The following RGS17 variants were observed in gnomAD, a reference collection of about 807,000 sequenced individuals.
The protein encoded by RGS17 is regulator of G protein signaling 17, also known as regulator of G-protein signaling 17.
A neutral mutation model predicts 25.5 loss-of-function variants in RGS17; 12 were observed. The observed-to-expected ratio is 0.47, with a 90% CI of 0.30 to 0.76. RGS17 has a LOEUF of 0.76. Ranked by LOEUF, RGS17 falls within the 30% of genes least tolerant of loss-of-function variation. The pLI, the probability that RGS17 is intolerant of heterozygous loss-of-function variation, is 0.07. For missense variants in RGS17, 196 were observed against 242.2 expected (o/e 0.81, Z 1.27); for synonymous variants, 71 against 76.9 (o/e 0.92, Z 0.40).
chr6:153,012,491 G>A (rs1360096065), intron 4 of RGS17, among the ~76,000 whole-genome samples: 3 of 152,158 alleles, frequency 2.0e-5, no homozygotes, highest in Non-Finnish European at 4.4e-5. Flanking sequence ...ATTAAATTCT[G>A]CAATGATTTA....
intron 1 of RGS17, among the ~76,000 whole-genome samples, chr6:153,085,915 G>A (rs1443318309): frequency 7.7e-6 from 1 of 129,716 alleles, no homozygotes; most frequent in East Asian, 2.8e-4. Flanking sequence ...CAACTGTAGA[G>A]GGGGCAGGCT....
At chr6:153,049,556 C>T in intron 1 of RGS17, among the ~76,000 whole-genome samples, 1 of 151,974 alleles carries the variant, frequency 6.6e-6, no homozygotes, top group East Asian at 1.9e-4. Context: ...TCGAGACCAT[C>T]CTGGCTAACA....
At chr6:153,128,986 G>C (rs1238496707) in intron 1 of RGS17, among the ~76,000 whole-genome samples, 1 of 152,180 alleles carries the variant, frequency 6.6e-6, no homozygotes, top group East Asian at 1.9e-4. Flanking sequence ...GACACCTTAT[G>C]TTATTTGTTC....
At chr6:153,034,465 C>G (rs1006224023) in intron 2 of RGS17, among the ~76,000 whole-genome samples, 1 of 152,222 alleles carries the variant, frequency 6.6e-6, no homozygotes, top group East Asian at 1.9e-4. Flanking sequence ...AGATCCTACA[C>G]AGTCTGGTAA....
rs1449443401 is a variant in RGS17, at chr6:153,130,892, G to T, written c.-26+232C>A. Among the ~76,000 whole-genome samples the T allele has an allele frequency of 6.6e-6, 1 of 151,890 alleles. No individual in the cohort carries two copies. The highest frequency in any genetic ancestry group is 2.4e-5 in the African/African-American group (1 of 41,410). On this transcript the variant is annotated intron_variant, in intron 1 of 4. Transcript: ENST00000206262. The surrounding 1 kb of genome is among the most constrained non-coding windows in gnomAD (Gnocchi z 6.4). ...GGACCGCGTCCAGGCAGCGACGCGG[G>T]ATTCAACTTCCCGGACCCGCGGCGC...
intron 4 of RGS17, among the ~76,000 whole-genome samples, chr6:153,015,189 A>G (rs899823695): frequency 1.3e-5 from 2 of 152,228 alleles, no homozygotes; most frequent in Non-Finnish European, 2.9e-5. Flanking sequence ...GATGGAATCT[A>G]TTCCTGGTGA....
Position 153,036,558 on chromosome 6 carries a change from C to T in RGS17, c.119+7342G>A, listed in dbSNP as rs1320654187. Among the ~76,000 whole-genome samples, 5 of 152,172 alleles carry T rather than the reference C, an allele frequency of 3.3e-5. No individual in the cohort carries two copies. In the East Asian group the frequency reaches 9.6e-4, roughly 29 times the overall value. The stretch of plus-strand genomic sequence containing the variant: ...GTCCCAGATTGTCATATTTCATCCA[C>T]GCTTGTCTTGCAAGCTTCAAATTCA... On this transcript the variant is annotated intron_variant, in intron 2 of 4. Coordinates refer to ENST00000206262, the MANE Select transcript of RGS17 (RefSeq NM_012419.5).
intron 1 of RGS17, among the ~76,000 whole-genome samples, chr6:153,129,632 G>C (rs1777756834): frequency 6.6e-6 from 1 of 152,198 alleles, no homozygotes; most frequent in African/African-American, 2.4e-5. Flanking sequence ...CCCAGCCTCA[G>C]AACTGCTTAT....
intron 1 of RGS17, among the ~76,000 whole-genome samples, chr6:153,105,446 A>C (rs1777365194): frequency 6.6e-6 from 1 of 152,160 alleles, no homozygotes; most frequent in Admixed American, 6.6e-5. Flanking sequence ...AAAATAAAAT[A>C]AAATAAAAAA....
chr6:153,013,842 A>G (rs1194311858), intron 4 of RGS17, among the ~76,000 whole-genome samples: 1 of 152,226 alleles, frequency 6.6e-6, no homozygotes, highest in African/African-American at 2.4e-5. Context: ...CTGTGTAAGA[A>G]AAGTTTGAAG....
At chr6:153,071,280 C>T (rs1776800403) in intron 1 of RGS17, among the ~76,000 whole-genome samples, 1 of 151,312 alleles carries the variant, frequency 6.6e-6, no homozygotes, top group African/African-American at 2.4e-5. Context: ...TAATATAGTA[C>T]TATAAACACA....
chr6:153,020,108 AAAAATATATATAT>A lies in RGS17; in HGVS notation c.444+4141_444+4153del, dbSNP rs1474727008. Among the ~76,000 whole-genome samples the A allele has an allele frequency of 4.6e-3, 126 of 27,596 alleles. 3 individuals carry two copies. The highest frequency in any genetic ancestry group is 0.015 in the African/African-American group (121 of 8,268). 18.1% of individuals were successfully genotyped at this position (27,596 alleles called of 152,430 possible). On this transcript the variant is annotated intron_variant, in intron 4 of 4. Coordinates refer to ENST00000206262, the MANE Select transcript of RGS17 (RefSeq NM_012419.5). The stretch of plus-strand genomic sequence containing the variant: ...CCTAATTGCAAATATCTTAAAAAAA[AAAAATATATATAT>A]ATATATATATATATATATTTTTTTT...
intron 1 of RGS17, among the ~76,000 whole-genome samples, chr6:153,104,109 G>C (rs1971152): frequency 0.45 from 68,882 of 152,076 alleles, 16,244 homozygotes; most frequent in East Asian, 0.84. Flanking sequence ...GCAGAACCCA[G>C]GTTTTCAGAG....
chr6:153,087,900 C>T lies in RGS17; in HGVS notation c.-26+43224G>A, dbSNP rs78223561. 8.4e-3 allele frequency among the ~76,000 whole-genome samples: 1,281 copies of T among 152,250 alleles called. 25 individuals are homozygous for T. Among genetic ancestry groups the T allele is most frequent in the African/African-American group, 0.029 (1,221 of 41,518 alleles). On this transcript the variant is annotated intron_variant, in intron 1 of 4. Coordinates refer to ENST00000206262, the MANE Select transcript of RGS17 (RefSeq NM_012419.5). ...AAGTATTCCACACCAATGTATAATCCTCTCCCCTTGAATGTGGGTTACATT... is the reference window on the plus strand; with the variant it reads ...AAGTATTCCACACCAATGTATAATCTTCTCCCCTTGAATGTGGGTTACATT...
At chr6:153,028,892 T>C (rs1779331313) in intron 2 of RGS17, among the ~76,000 whole-genome samples, 1 of 152,240 alleles carries the variant, frequency 6.6e-6, no homozygotes, top group South Asian at 2.1e-4. Context: ...GTATACTTCA[T>C]TTCATTAAAC....
Position 153,011,608 on chromosome 6 carries a change from A to G in RGS17, c.599T>C (p.Val200Ala), listed in dbSNP as rs2129105079. 3 of 1,611,042 alleles carry G rather than the reference A, an allele frequency of 1.9e-6. No homozygotes were observed. The highest frequency in any genetic ancestry group is 2.5e-6 in the Non-Finnish European group (3 of 1,178,266). Residue 200 changes from valine to alanine, a missense_variant, in exon 5 of 5, where the codon GTT becomes GCT. Physicochemically the swap from Val to Ala is moderately conservative, Grantham distance 64. Coordinates refer to ENST00000206262, the MANE Select transcript of RGS17 (RefSeq NM_012419.5). The part of the protein sequence containing the change: ...FLNSQIYKSF[V>A]ESTAGSSSES ...AGAAGAAGAGCCAGCAGTACTTTCA[A>G]CAAATGACTTATAAATTTGAGAGTT...
intron 1 of RGS17, among the ~76,000 whole-genome samples, chr6:153,078,060 G>C (rs12209140): frequency 2.0e-5 from 3 of 151,766 alleles, no homozygotes; most frequent in Non-Finnish European, 2.9e-5. Flanking sequence ...TTTTAGTGGA[G>C]AAGGCGATTC....
chr6:153,092,591 C>G (rs574297347), intron 1 of RGS17, among the ~76,000 whole-genome samples: 4 of 152,050 alleles, frequency 2.6e-5, no homozygotes, highest in Non-Finnish European at 4.4e-5. Context: ...TGGCTTGGTG[C>G]GGAATGGGCT....
intron 4 of RGS17, among the ~76,000 whole-genome samples, chr6:153,020,106 AAAAAAATAT>A (rs1444445835): frequency 2.1e-4 from 7 of 32,764 alleles, no homozygotes; most frequent in South Asian, 9.9e-4. Flanking sequence ...ATCTTAAAAA[AAAAAAATAT>A]ATATATATAT....
Sources: allele counts gnomAD v4.1 joint callset (sites outside exome capture counted in the v4.1 genomes callset), GRCh38; gene constraint gnomAD v4.1.1; non-coding constraint Gnocchi (gnomAD v3.1); transcripts MANE v1.5; gene names NCBI Gene and HGNC (gene_info 2026-07-23, HGNC 2026-07-21).